The following UBR3 variants were observed in gnomAD, a reference collection of about 807,000 sequenced individuals.
The protein encoded by UBR3 is ubiquitin protein ligase E3 component n-recognin 3.
A neutral mutation model predicts 243.2 loss-of-function variants in UBR3; 85 were observed. The observed-to-expected ratio is 0.35, with a 90% CI of 0.29 to 0.42. UBR3 has a LOEUF of 0.42. UBR3 is among the 10% of genes least tolerant of loss of function. UBR3 has a pLI of 1.00. For synonymous variants in UBR3, 748 were observed against 799.8 expected, an observed-to-expected ratio of 0.94 and a Z score of 1.09; for missense variants, 1,686 against 2,300.8, an observed-to-expected ratio of 0.73 and a Z score of 5.47.
chr2:169,872,793 C>T, intron 2 of UBR3, among the ~76,000 whole-genome samples: 1 of 151,914 alleles, frequency 6.6e-6, no homozygotes, highest in East Asian at 1.9e-4. Flanking sequence ...TATTTTTATT[C>T]TCTCTATATA....
At position 169,900,212 on chromosome 2, in the gene UBR3, C is replaced by T. The variant is rs867141023; in HGVS notation, c.1465+3477C>T. ...TTCTGACTGGCCTGAGATGGTATCTCATTGTGGTTTTGATTTGCATTTCTC... is the reference window on the plus strand; with the variant it reads ...TTCTGACTGGCCTGAGATGGTATCTTATTGTGGTTTTGATTTGCATTTCTC... On this transcript the variant is annotated intron_variant, in intron 8 of 38. Transcript: ENST00000272793. Among the ~76,000 whole-genome samples, 13 of 152,310 alleles carry T rather than the reference C, an allele frequency of 8.5e-5. No individual in the cohort carries two copies. In the South Asian group the frequency reaches 1.5e-3, roughly 17 times the overall value.
At chr2:170,040,081 A>G (rs2090929226) in intron 31 of UBR3, among the ~76,000 whole-genome samples, 1 of 151,844 alleles carries the variant, frequency 6.6e-6, no homozygotes, top group African/African-American at 2.4e-5. Context: ...TCTTTTTGAA[A>G]CTTTGCAAAT....
At chr2:169,905,467 G>A (rs2084978601) in intron 9 of UBR3, among the ~76,000 whole-genome samples, 174 bp downstream of exon 9, 1 of 152,142 alleles carries the variant, frequency 6.6e-6, no homozygotes, top group Admixed American at 6.5e-5. Context: ...ATACCAAGGA[G>A]TTAGGAAAAA....
At chr2:169,947,401 C>T in intron 21 of UBR3, 141 bp from the exon 22 acceptor site, 2 of 600,852 alleles carry the variant, frequency 3.3e-6, no homozygotes, top group Non-Finnish European at 4.9e-6. Flanking sequence ...TAAATTTATT[C>T]ACTTTATAAT....
intron 1 of UBR3, among the ~76,000 whole-genome samples, chr2:169,842,197 A>T (rs929555084): frequency 1.3e-5 from 2 of 152,126 alleles, no homozygotes; most frequent in African/African-American, 4.8e-5. Context: ...TGTTTAGCTC[A>T]AGGTTTGTGA....
chr2:170,065,840 T>C (rs183894558), intron 35 of UBR3, among the ~76,000 whole-genome samples: 2 of 152,138 alleles, frequency 1.3e-5, no homozygotes, highest in Admixed American at 6.5e-5. Flanking sequence ...CTGAAAATAC[T>C]ATATGTCCCA....
intron 30 of UBR3, among the ~76,000 whole-genome samples, chr2:170,020,055 A>G (rs1430235206): frequency 3.3e-5 from 5 of 152,330 alleles, no homozygotes; most frequent in Non-Finnish European, 7.4e-5. Flanking sequence ...TGCTGGGATT[A>G]TAGGCATGAA....
chr2:169,844,728 C>T (rs1284721282), intron 1 of UBR3, among the ~76,000 whole-genome samples: 1 of 152,042 alleles, frequency 6.6e-6, no homozygotes, highest in Admixed American at 6.6e-5. Flanking sequence ...AATTCCTGAC[C>T]TCAGGTGATC....
chr2:169,976,891 C>T (rs1407396616), intron 24 of UBR3, among the ~76,000 whole-genome samples: 4 of 152,026 alleles, frequency 2.6e-5, no homozygotes, highest in African/African-American at 9.7e-5. Flanking sequence ...TTCCATAAAT[C>T]TTATAGGCTT....
At position 169,899,122 on chromosome 2, in the gene UBR3, G is replaced by A. The variant is rs558205550; in HGVS notation, c.1465+2387G>A. 2.6e-5 allele frequency among the ~76,000 whole-genome samples: 4 copies of A among 152,132 alleles called. No individual in the cohort carries two copies. In the South Asian group the frequency reaches 8.3e-4, roughly 32 times the overall value. On this transcript the variant is annotated intron_variant, in intron 8 of 38. Transcript: ENST00000272793. ...GCCTCCCGAGTAGCTGGGACTACAG[G>A]CGCCCGCCACCATGCCCGGCTAATT... is the stretch of plus-strand genomic sequence containing the variant.
intron 27 of UBR3, among the ~76,000 whole-genome samples, chr2:170,005,902 A>G (rs576891027): frequency 6.6e-6 from 1 of 152,194 alleles, no homozygotes; most frequent in African/African-American, 2.4e-5. Context: ...GCTAAATGAC[A>G]TGAGCCACAA....
intron 24 of UBR3, among the ~76,000 whole-genome samples, chr2:169,979,373 A>G (rs977712209): frequency 6.6e-6 from 1 of 152,246 alleles, no homozygotes; most frequent in Admixed American, 6.5e-5. Context: ...ATCTTACCAT[A>G]TGATCCATCA....
intron 11 of UBR3, among the ~76,000 whole-genome samples, chr2:169,920,728 A>G (rs2085664713): frequency 6.6e-6 from 1 of 152,152 alleles, no homozygotes; most frequent in Non-Finnish European, 1.5e-5. Flanking sequence ...TCCTAGTTCA[A>G]ATTTTTTAAG....
At chr2:170,042,708 A>AAG (rs1491258015) in intron 32 of UBR3, among the ~76,000 whole-genome samples, 1 of 147,850 alleles carries the variant, frequency 6.8e-6, no homozygotes, top group Non-Finnish European at 1.5e-5. Context: ...AAAAAAAAAA[A>AAG]GTTTTTGAAC....
intron 1 of UBR3, among the ~76,000 whole-genome samples, chr2:169,851,224 A>C (rs1309462154): frequency 6.6e-6 from 1 of 152,188 alleles, no homozygotes; most frequent in Admixed American, 6.5e-5. Flanking sequence ...TCCTAAGCTC[A>C]AGTGATTATC....
At chr2:169,950,307 C>T (rs548482078) in intron 23 of UBR3, among the ~76,000 whole-genome samples, 2 of 151,990 alleles carry the variant, frequency 1.3e-5, no homozygotes, top group Admixed American at 6.6e-5. Context: ...CTGTGTGTCT[C>T]TTTGGAAAAA....
intron 27 of UBR3, among the ~76,000 whole-genome samples, chr2:170,006,276 G>A (rs1360450021): frequency 1.3e-5 from 2 of 152,160 alleles, no homozygotes; most frequent in African/African-American, 2.4e-5. Flanking sequence ...AAGGAAAAAT[G>A]TATCTTAACT....
chr2:169,834,501 A>G (rs984035631), intron 1 of UBR3, among the ~76,000 whole-genome samples: 1 of 152,160 alleles, frequency 6.6e-6, no homozygotes, highest in Admixed American at 6.5e-5. Flanking sequence ...AAAGAAATTA[A>G]TTTACATTCC....
chr2:169,877,150 T>C (rs1187229712), intron 3 of UBR3, among the ~76,000 whole-genome samples: 3 of 152,236 alleles, frequency 2.0e-5, no homozygotes, highest in Non-Finnish European at 4.4e-5. Flanking sequence ...TACATAATTA[T>C]TATCTACCAT....
Sources: gnomAD v4.1 joint callset for allele counts (sites outside exome capture counted in the v4.1 genomes callset) on GRCh38, gnomAD v4.1.1 for gene constraint, MANE v1.5 for transcripts, NCBI Gene and HGNC (gene_info 2026-07-23, HGNC 2026-07-21) for gene names.